CACNA2D3: variants seen among roughly 807,000 people sequenced by gnomAD.
The protein encoded by CACNA2D3 is voltage-dependent calcium channel subunit alpha-2/delta-3.
Under a neutral mutation model 160.6 loss-of-function variants are expected in CACNA2D3, and 60 were observed. The observed-to-expected ratio is 0.37, with a 90% CI of 0.30 to 0.46. CACNA2D3 has a LOEUF of 0.46. CACNA2D3 is among the 20% of genes least tolerant of loss of function. CACNA2D3 has a pLI of 1.00. For synonymous variants in CACNA2D3, 558 were observed against 492.9 expected, an observed-to-expected ratio of 1.13 and a Z score of -1.75; for missense variants, 1,205 against 1,365.0, an observed-to-expected ratio of 0.88 and a Z score of 1.85.
At chr3:54,343,466 T>C (rs1003180132) in intron 3 of CACNA2D3, among the ~76,000 whole-genome samples, 2 of 152,064 alleles carry the variant, frequency 1.3e-5, no homozygotes, top group East Asian at 1.9e-4. Flanking sequence ...TAATTTTTTG[T>C]AGAGATGGGA....
intron 27 of CACNA2D3, among the ~76,000 whole-genome samples, chr3:54,922,403 T>G (rs1464127342): frequency 6.6e-6 from 1 of 151,884 alleles, no homozygotes; most frequent in Non-Finnish European, 1.5e-5. Flanking sequence ...TACAATTTAA[T>G]CCACAATACA....
At chr3:54,937,543 T>A (rs577381785) in intron 27 of CACNA2D3, among the ~76,000 whole-genome samples, 19 of 152,318 alleles carry the variant, frequency 1.2e-4, no homozygotes, top group African/African-American at 4.1e-4. Context: ...AAACTCGTGT[T>A]GTGCAAGGGT....
chr3:54,889,187 G>A (rs988846984), intron 24 of CACNA2D3, among the ~76,000 whole-genome samples: 1 of 152,226 alleles, frequency 6.6e-6, no homozygotes, highest in Non-Finnish European at 1.5e-5. Context: ...GGGCCGCATG[G>A]CTCAGGACCT....
chr3:54,811,414 T>TTGCC (rs1226945823), intron 13 of CACNA2D3, among the ~76,000 whole-genome samples: 1 of 148,942 alleles, frequency 6.7e-6, no homozygotes, highest in African/African-American at 2.5e-5. Context: ...GGTCAGACTA[T>TTGCC]TGCCTGCTGC....
rs745552182 is a variant in CACNA2D3, at chr3:54,973,178, G to A, written c.2556+3334G>A. Among the ~76,000 whole-genome samples, 11 of 152,048 alleles carry A rather than the reference G, an allele frequency of 7.2e-5. 1 individual carries two copies. Among genetic ancestry groups the A allele is most frequent in the Admixed American group, 5.2e-4 (8 of 15,256 alleles). ...GCAAGCAGAGAACACCACTGTAGAG[G>A]CACCAAAGTGGCAAAGGGTCATTGT... On this transcript the variant is annotated intron_variant, in intron 29 of 37. Coordinates refer to ENST00000474759, the MANE Select transcript of CACNA2D3 (RefSeq NM_018398.3).
rs757838355 is a variant in CACNA2D3, at chr3:54,687,121, CTTT to C, written c.1167+44891_1167+44893del. The stretch of plus-strand genomic sequence containing the variant: ...AAATCGGATTTTTCTTTTTCTTTTT[CTTT>C]TTTTTTTTTTGTTTTTTTTTTTTTT... On this transcript the variant is annotated intron_variant, in intron 11 of 37. Transcript: ENST00000474759. Among the ~76,000 whole-genome samples the C allele has an allele frequency of 7.4e-5, 7 of 94,934 alleles. 1 individual carries two copies. Among genetic ancestry groups the C allele is most frequent in the Non-Finnish European group, 1.5e-4 (7 of 48,082 alleles). 62.3% of individuals were successfully genotyped at this position (94,934 alleles called of 152,430 possible). A position where few individuals can be genotyped will look rare whatever the true frequency, so the allele number is the denominator to read the frequency against.
chr3:54,627,948 C>T lies in CACNA2D3; in HGVS notation c.1053+72C>T, dbSNP rs1229721485. 13 of 1,040,564 alleles carry T rather than the reference C, an allele frequency of 1.2e-5. No homozygotes were observed. In the African/African-American group the frequency reaches 1.6e-4, roughly 13 times the overall value. 64.5% of individuals were successfully genotyped at this position (1,040,564 alleles called of 1,614,324 possible). On this transcript the variant is annotated intron_variant, in intron 10 of 37. Transcript: ENST00000474759. ...GGGTGTTGTTTTAGAAAATTGTGGG[C>T]CAGGCTGGGCGCTGTGGTTCAGACC...
chr3:54,836,214 CT>C (rs763110798), intron 14 of CACNA2D3, among the ~76,000 whole-genome samples: 49 of 97,972 alleles, frequency 5.0e-4, no homozygotes, highest in African/African-American at 7.1e-4. Flanking sequence ...AAGGGCCATT[CT>C]TTTTTTTTTT....
At chr3:54,844,462 G>C (rs1184161327) in intron 16 of CACNA2D3, among the ~76,000 whole-genome samples, 1 of 152,152 alleles carries the variant, frequency 6.6e-6, no homozygotes, top group East Asian at 1.9e-4. Flanking sequence ...TCTGCATTCT[G>C]GGGGAGGAAG....
intron 2 of CACNA2D3, among the ~76,000 whole-genome samples, chr3:54,179,404 T>G (rs568295324): frequency 6.6e-6 from 1 of 152,182 alleles, no homozygotes; most frequent in East Asian, 1.9e-4. Flanking sequence ...TTGGGGAACC[T>G]TTCTCCCATG....
At chr3:54,692,679 A>C (rs1445848117) in intron 11 of CACNA2D3, among the ~76,000 whole-genome samples, 1 of 152,114 alleles carries the variant, frequency 6.6e-6, no homozygotes, top group South Asian at 2.1e-4. Context: ...TCAACCAGCA[A>C]AATGGATCCC....
At position 54,148,974 on chromosome 3, in the gene CACNA2D3, C is replaced by CTAA. The variant is rs1553735007; in HGVS notation, c.204+25380_204+25381insTAA. ...CCTGGGTGACAGAGCAAAACTCCAT[C>CTAA]AAAAAAAAAAAAAAAAAAAAAATAG... On this transcript the variant is annotated intron_variant, in intron 2 of 37. Coordinates refer to ENST00000474759, the MANE Select transcript of CACNA2D3 (RefSeq NM_018398.3). Among the ~76,000 whole-genome samples, 98 of 116,576 alleles carry CTAA rather than the reference C, an allele frequency of 8.4e-4. 10 individuals carry two copies. The highest frequency in any genetic ancestry group is 1.8e-3 in the East Asian group (7 of 3,946). The allele number at this position is 116,576 out of a possible 152,430, so 76.5% of individuals were successfully genotyped here.
chr3:54,450,805 A>G (rs775244054), intron 4 of CACNA2D3, among the ~76,000 whole-genome samples: 3 of 152,038 alleles, frequency 2.0e-5, no homozygotes, highest in Non-Finnish European at 4.4e-5. Flanking sequence ...ATTATAATCA[A>G]CTCAAAAGGT....
intron 2 of CACNA2D3, among the ~76,000 whole-genome samples, chr3:54,186,628 C>T (rs1355947339): frequency 2.0e-5 from 3 of 152,116 alleles, no homozygotes; most frequent in Non-Finnish European, 2.9e-5. Context: ...TACTACATGA[C>T]TGCTCTAATT....
At chr3:54,481,968 C>T (rs546345295) in intron 4 of CACNA2D3, among the ~76,000 whole-genome samples, 4 of 152,304 alleles carry the variant, frequency 2.6e-5, no homozygotes, top group East Asian at 1.9e-4. Flanking sequence ...CAGATATTTA[C>T]GTTCCTTTGG....
chr3:54,881,887 C>T (rs940392608), intron 21 of CACNA2D3, among the ~76,000 whole-genome samples: 7 of 152,196 alleles, frequency 4.6e-5, no homozygotes, highest in African/African-American at 9.7e-5. Context: ...TTCCCTGAGA[C>T]GCCAAACCCC....
intron 5 of CACNA2D3, among the ~76,000 whole-genome samples, chr3:54,523,033 G>T (rs981570132): frequency 6.6e-6 from 1 of 151,890 alleles, no homozygotes; most frequent in African/African-American, 2.4e-5. Context: ...TTTGTTCTTT[G>T]ACACTTGGAG....
Position 54,968,473 on chromosome 3 carries a change from G to A in CACNA2D3, c.2473G>A (p.Glu825Lys), listed in dbSNP as rs540402014. 5.8e-5 allele frequency: 94 copies of A among 1,610,170 alleles called. 1 individual carries two copies. In the South Asian group the frequency reaches 8.7e-4, roughly 15 times the overall value. The change falls in exon 28 of 38, where the codon GAA becomes AAA. Residue 825 changes from glutamate to lysine, a missense_variant. Physicochemically the swap from Glu to Lys is moderately conservative, Grantham distance 56. Coordinates refer to ENST00000474759, the MANE Select transcript of CACNA2D3 (RefSeq NM_018398.3). Reference sequence around the variant, plus strand: ...AGCTGTAGGCATTCAGATGAAACTTGAATTTTTCCAAAGGAAGTTCTGGAC... The same window carrying A: ...AGCTGTAGGCATTCAGATGAAACTTAAATTTTTCCAAAGGAAGTTCTGGAC... ...VAAVGIQMKL[E>K]FFQRKFWTAS...
At chr3:54,757,149 T>A (rs1438522924) in intron 12 of CACNA2D3, among the ~76,000 whole-genome samples, 1 of 152,134 alleles carries the variant, frequency 6.6e-6, no homozygotes, top group Non-Finnish European at 1.5e-5. Context: ...TATGCCAAGA[T>A]TTTAAATAAG....
Sources: allele counts gnomAD v4.1 joint callset (sites outside exome capture counted in the v4.1 genomes callset), GRCh38; gene constraint gnomAD v4.1.1; transcripts MANE v1.5; gene names NCBI Gene and HGNC (gene_info 2026-07-23, HGNC 2026-07-21).